The following MEGF11 variants were observed in gnomAD, a reference collection of about 807,000 sequenced individuals.
MEGF11 encodes multiple epidermal growth factor-like domains protein 11.
A neutral mutation model predicts 146.6 loss-of-function variants in MEGF11; 126 were observed. That is an observed-to-expected ratio of 0.86 (90% CI 0.74 to 1.00). MEGF11 has a LOEUF of 1.00. MEGF11 is among the 50% of genes least tolerant of loss of function. The pLI is 0.00. For missense variants in MEGF11, 1,509 were observed against 1,521.2 expected, an observed-to-expected ratio of 0.99 and a Z score of 0.13; for synonymous variants, 532 against 583.4, an observed-to-expected ratio of 0.91 and a Z score of 1.27.
chr15:66,148,685 G>A (rs1426953615), intron 1 of MEGF11, among the ~76,000 whole-genome samples: 2 of 152,224 alleles, frequency 1.3e-5, no homozygotes, highest in African/African-American at 4.8e-5. Flanking sequence ...ATCAGCCTGG[G>A]CAGTCTCTCC....
chr15:65,921,983 CT>C, intron 15 of MEGF11: 1 of 265,022 alleles, frequency 3.8e-6, no homozygotes, highest in Non-Finnish European at 7.3e-6. Context: ...CATTCTCTGC[CT>C]TTACCCTTGG....
chr15:66,114,294 C>T (rs1485249951), intron 4 of MEGF11, among the ~76,000 whole-genome samples: 1 of 152,216 alleles, frequency 6.6e-6, no homozygotes, highest in Non-Finnish European at 1.5e-5. Context: ...CAACTAGCAA[C>T]ATTCCAGAGA....
At chr15:66,250,145 A>G (rs116874746) in intron 1 of MEGF11, among the ~76,000 whole-genome samples, 1 of 152,298 alleles carries the variant, frequency 6.6e-6, no homozygotes, top group Non-Finnish European at 1.5e-5. Flanking sequence ...GCCAGCACTC[A>G]CCAGCTCCCT....
chr15:65,970,429 CAGAGTGCTTTCTG>C, intron 8 of MEGF11, 111 bp downstream of exon 8: 1 of 1,115,592 alleles, frequency 9.0e-7, no homozygotes. Context: ...CAGGAGAGCT[CAGAGTGCTTTCTG>C]AGAAAGGAAC....
intron 1 of MEGF11, among the ~76,000 whole-genome samples, chr15:66,157,032 C>T (rs8033158): frequency 0.016 from 2,420 of 152,272 alleles, 23 homozygotes; most frequent in African/African-American, 0.018. Flanking sequence ...CTCAACCAGA[C>T]CACCACTCCT....
intron 13 of MEGF11, among the ~76,000 whole-genome samples, chr15:65,925,403 G>A (rs1418560434): frequency 6.6e-6 from 1 of 152,238 alleles, no homozygotes. Flanking sequence ...GAGTGGGGCT[G>A]TTTGTGGTTC....
intron 10 of MEGF11, among the ~76,000 whole-genome samples, chr15:65,952,791 A>C (rs532080343): frequency 5.9e-5 from 9 of 151,992 alleles, no homozygotes; most frequent in Admixed American, 1.3e-4. Flanking sequence ...AAAGCTACAA[A>C]CTCATTTCTT....
At chr15:66,123,194 A>C (rs1225474353) in intron 3 of MEGF11, among the ~76,000 whole-genome samples, 2 of 152,220 alleles carry the variant, frequency 1.3e-5, no homozygotes, top group African/African-American at 4.8e-5. Flanking sequence ...CCTGAGTGAC[A>C]TGATAACATA....
chr15:66,030,729 A>G (rs1040610302), intron 5 of MEGF11, among the ~76,000 whole-genome samples: 4 of 152,148 alleles, frequency 2.6e-5, no homozygotes, highest in Non-Finnish European at 4.4e-5. Flanking sequence ...CTTTACATAC[A>G]GGCTTTGGAG....
At position 66,083,783 on chromosome 15, in the gene MEGF11, G is replaced by A. The variant is rs58211841; in HGVS notation, c.394+10619C>T. Among the ~76,000 whole-genome samples the A allele has an allele frequency of 2.6e-3, 389 of 152,178 alleles. 3 individuals carry two copies. Among genetic ancestry groups the A allele is most frequent in the African/African-American group, 8.8e-3 (364 of 41,490 alleles). ...ATTTAAAAAATTAGCCCAGCATGGC[G>A]ACACATGCCTGTAGTCCCAGCTACT... On this transcript the variant is annotated intron_variant, in intron 5 of 25. Transcript: ENST00000395614.
chr15:66,134,635 T>C (rs1367520613), intron 1 of MEGF11, among the ~76,000 whole-genome samples: 1 of 152,238 alleles, frequency 6.6e-6, no homozygotes, highest in Non-Finnish European at 1.5e-5. Flanking sequence ...TTCAGCTCCA[T>C]GGGGATTTGT....
At chr15:66,238,873 T>C (rs12916788) in intron 1 of MEGF11, among the ~76,000 whole-genome samples, 35,446 of 137,908 alleles carry the variant, frequency 0.26, 4,816 homozygotes, top group Middle Eastern at 0.36. Flanking sequence ...AAATAAACCA[T>C]CTACTAACTT....
At chr15:65,942,559 C>T (rs370729635) in intron 10 of MEGF11, among the ~76,000 whole-genome samples, 3 of 152,022 alleles carry the variant, frequency 2.0e-5, no homozygotes, top group South Asian at 2.1e-4. Flanking sequence ...GTGGTGGTGG[C>T]GGTGCTGTGT....
At chr15:65,950,392 C>T (rs573921633) in intron 10 of MEGF11, among the ~76,000 whole-genome samples, 1 of 152,234 alleles carries the variant, frequency 6.6e-6, no homozygotes, top group East Asian at 1.9e-4. Context: ...CGAGACCAGC[C>T]TGGGCAACAT....
chr15:65,985,810 G>A (rs545896439), intron 5 of MEGF11, among the ~76,000 whole-genome samples: 7 of 152,112 alleles, frequency 4.6e-5, no homozygotes, highest in Non-Finnish European at 7.4e-5. Flanking sequence ...GGTACCCTAC[G>A]AAAGTGCTCT....
chr15:66,079,452 C>G (rs1196822826), intron 5 of MEGF11, among the ~76,000 whole-genome samples: 1 of 151,960 alleles, frequency 6.6e-6, no homozygotes, highest in African/African-American at 2.4e-5. Context: ...GGCAGAAGAA[C>G]CACAACTGCT....
At chr15:66,178,679 C>T (rs1028169742) in intron 1 of MEGF11, among the ~76,000 whole-genome samples, 3 of 152,288 alleles carry the variant, frequency 2.0e-5, no homozygotes, top group South Asian at 2.1e-4. Flanking sequence ...GTGAGTGCCT[C>T]CTTAAATGTT....
rs143279238 is a variant in MEGF11, at chr15:65,910,539, C to A, written c.2830-733G>T. On this transcript the variant is annotated intron_variant, in intron 21 of 25. Transcript: ENST00000395614. ...ATGCCCTATCTGTTAGACTGGTTAACCACAGAGAGCCACTCTGGGCCCCTG... is the reference window on the plus strand; with the variant it reads ...ATGCCCTATCTGTTAGACTGGTTAAACACAGAGAGCCACTCTGGGCCCCTG... Among the ~76,000 whole-genome samples the A allele has an allele frequency of 2.1e-3, 317 of 152,236 alleles. 1 individual carries two copies. The highest frequency in any genetic ancestry group is 2.9e-3 in the Non-Finnish European group (199 of 68,006).
At chr15:66,179,153 G>A (rs2090473091) in intron 1 of MEGF11, among the ~76,000 whole-genome samples, 1 of 152,112 alleles carries the variant, frequency 6.6e-6, no homozygotes, top group South Asian at 2.1e-4. Context: ...TTGTTTTTGA[G>A]ATGAAGTCTC....
Sources: gnomAD v4.1 joint callset for allele counts (sites outside exome capture counted in the v4.1 genomes callset) on GRCh38, gnomAD v4.1.1 for gene constraint, MANE v1.5 for transcripts, NCBI Gene and HGNC (gene_info 2026-07-23, HGNC 2026-07-21) for gene names.